CC2D2A: variants seen among roughly 807,000 people sequenced by gnomAD.
CC2D2A encodes the protein coiled-coil and C2 domain-containing protein 2A.
CC2D2A carries 155 observed loss-of-function variants against 212.9 expected under a neutral mutation model. The observed-to-expected ratio is 0.73, with a 90% confidence interval of 0.64 to 0.83. CC2D2A has a LOEUF of 0.83. Ranked by LOEUF, CC2D2A falls within the 40% of genes least tolerant of loss-of-function variation. CC2D2A has a pLI of 0.00. For synonymous variants in CC2D2A, 667 were observed against 686.5 expected (o/e 0.97, Z 0.44); for missense variants, 1,856 against 1,956.2 (o/e 0.95, Z 0.97).
chr4:15,588,513 T>C (rs961956520), intron 32 of CC2D2A, among the ~76,000 whole-genome samples: 1 of 152,314 alleles, frequency 6.6e-6, no homozygotes, highest in Middle Eastern at 3.4e-3. Flanking sequence ...GTGATGCAAA[T>C]AGGTAAGTTT....
chr4:15,499,778 A>G (rs1408990805), intron 4 of CC2D2A, among the ~76,000 whole-genome samples: 1 of 152,064 alleles, frequency 6.6e-6, no homozygotes, highest in Non-Finnish European at 1.5e-5. Flanking sequence ...ACAGGGACAG[A>G]GGCACACTAA....
chr4:15,577,474 C>T (rs1048096202), intron 29 of CC2D2A, among the ~76,000 whole-genome samples: 24 of 152,172 alleles, frequency 1.6e-4, no homozygotes, highest in Non-Finnish European at 3.2e-4. Context: ...CAGTATTTAA[C>T]TTCTCCTTGG....
At chr4:15,473,500 T>C (rs959706055) in intron 1 of CC2D2A, among the ~76,000 whole-genome samples, 3 of 152,298 alleles carry the variant, frequency 2.0e-5, no homozygotes, top group Admixed American at 2.0e-4. Context: ...GCAACAGGAT[T>C]CAAGTGCAAA....
rs71179633 is a variant in CC2D2A, at chr4:15,500,099, G to GTATACATA, written c.248-2329_248-2328insATACATAT. 7.4e-4 allele frequency among the ~76,000 whole-genome samples: 52 copies of GTATACATA among 69,824 alleles called. 3 individuals carry two copies. The highest frequency in any genetic ancestry group is 2.2e-3 in the African/African-American group (50 of 22,452). The allele number at this position is 69,824 out of a possible 152,430, so 45.8% of individuals were successfully genotyped here. Reference sequence around the variant, plus strand: ...ATTGTGTGTGTGTGTGTGTGTGTGTGTGTGTGTGTATATATATATATATAT... The same window carrying GTATACATA: ...ATTGTGTGTGTGTGTGTGTGTGTGTGTATACATATGTGTGTGTATATATATATATATAT... On this transcript the variant is annotated intron_variant, in intron 4 of 36. Transcript: ENST00000424120.
chr4:15,549,746 T>G (rs1191712651), intron 17 of CC2D2A, among the ~76,000 whole-genome samples: 1 of 152,044 alleles, frequency 6.6e-6, no homozygotes, highest in African/African-American at 2.4e-5. Flanking sequence ...GAGGTTGCAG[T>G]GAGCCAAGAT....
At chr4:15,494,640 TG>T (rs1042706538) in intron 4 of CC2D2A, among the ~76,000 whole-genome samples, 1 of 152,228 alleles carries the variant, frequency 6.6e-6, no homozygotes, top group Non-Finnish European at 1.5e-5. Flanking sequence ...AATAAGCTTT[TG>T]GGCCGTTTTC....
chr4:15,567,281 G>C, intron 24 of CC2D2A, 96 bp from the exon 25 acceptor site: 2 of 937,846 alleles, frequency 2.1e-6, no homozygotes, highest in Non-Finnish European at 3.3e-6. Context: ...TTGGGCGACA[G>C]AGTGAGACCC....
At chr4:15,516,906 A>C in intron 11 of CC2D2A, 150 bp downstream of exon 11, 2 of 531,628 alleles carry the variant, frequency 3.8e-6, no homozygotes, top group South Asian at 4.7e-5. Flanking sequence ...CAGGCATATT[A>C]TGTAAGAGTA....
At chr4:15,516,161 G>C (rs1716861715) in intron 10 of CC2D2A, among the ~76,000 whole-genome samples, 157 bp downstream of exon 10, 1 of 151,166 alleles carries the variant, frequency 6.6e-6, no homozygotes, top group African/African-American at 2.4e-5. Context: ...TTCTCTCTCA[G>C]TACATTTATT....
Position 15,510,153 on chromosome 4 carries a change from A to G in CC2D2A, c.453A>G (p.Val151=). 1 of 1,612,856 alleles carries G rather than the reference A, an allele frequency of 6.2e-7. No individual in the cohort carries two copies. Among genetic ancestry groups the G allele is most frequent in the Non-Finnish European group, 8.5e-7 (1 of 1,179,020 alleles). ...CACTCATATAGCCAGGGAAAGAGGT[A>G]GAAAGGACTCAACAAGAAGTTGACT... ...TEFGTEPGKE[V]ERTQQEVDSQ... is the part of the protein sequence containing the mutation. The change falls in exon 7 of 37, where the codon GTA becomes GTG. Residue 151 remains valine, a synonymous_variant. Coordinates refer to ENST00000424120, the MANE Select transcript of CC2D2A (RefSeq NM_001378615.1).
At chr4:15,599,469 A>T in intron 35 of CC2D2A, 60 bp from the exon 36 acceptor site, 1 of 1,147,362 alleles carries the variant, frequency 8.7e-7, no homozygotes, top group Non-Finnish European at 1.2e-6. Flanking sequence ...CATACTACAT[A>T]CATTTTTTAA....
At chr4:15,501,422 GC>G (rs1382877751) in intron 4 of CC2D2A, among the ~76,000 whole-genome samples, 1 of 151,992 alleles carries the variant, frequency 6.6e-6, no homozygotes, top group Non-Finnish European at 1.5e-5. Context: ...AACGCTGCTT[GC>G]ATTCATGTCC....
intron 16 of CC2D2A, among the ~76,000 whole-genome samples, chr4:15,540,288 G>T (rs1038116350): frequency 3.0e-4 from 43 of 142,480 alleles, no homozygotes; most frequent in African/African-American, 9.7e-4. Context: ...ATGGGAGGTT[G>T]TTTTTTTTTT....
chr4:15,587,958 A>T, intron 32 of CC2D2A, 29 bp downstream of exon 32: 2 of 1,256,974 alleles, frequency 1.6e-6, no homozygotes, highest in Non-Finnish European at 2.3e-6. Context: ...CCTTTAACAG[A>T]GGAGTATAGT....
rs142013104 is a variant in CC2D2A at position 15,503,660 on chromosome 4, C to G, written c.438+737C>G. Among the ~76,000 whole-genome samples, 10 of 152,144 alleles carry G rather than the reference C, an allele frequency of 6.6e-5. No individual in the cohort carries two copies. The East Asian group carries it at 1.9e-3, about 29-fold the overall frequency. On this transcript the variant is annotated intron_variant, in intron 6 of 36. Transcript: ENST00000424120. ...GGTCCTTGAATGTCACATTCAGGAGCCTCGGTAGTTTTCTACAAGCCATGG... is the reference window on the plus strand; with the variant it reads ...GGTCCTTGAATGTCACATTCAGGAGGCTCGGTAGTTTTCTACAAGCCATGG...
At chr4:15,563,286 G>C in intron 23 of CC2D2A, 69 bp from the exon 24 acceptor site, 1 of 1,457,766 alleles carries the variant, frequency 6.9e-7, no homozygotes, top group South Asian at 1.4e-5. Context: ...GCAGAGTTCG[G>C]GAAGTCGTCT....
intron 11 of CC2D2A, among the ~76,000 whole-genome samples, chr4:15,523,751 T>A (rs746842734): frequency 5.9e-5 from 9 of 152,232 alleles, no homozygotes; most frequent in Non-Finnish European, 1.0e-4. Flanking sequence ...TGATTCTTCT[T>A]GAATACTGGT....
At chr4:15,582,799 T>C (rs188876037) in intron 30 of CC2D2A, among the ~76,000 whole-genome samples, 78 of 152,202 alleles carry the variant, frequency 5.1e-4, no homozygotes, top group African/African-American at 1.8e-3. Context: ...GCTCAAACTA[T>C]TCCAAAAAAA....
rs764403458 is a variant in CC2D2A, at chr4:15,514,885, A to C, written c.880+16A>C. On this transcript the variant is annotated intron_variant, in intron 9 of 36. Coordinates refer to ENST00000424120, the MANE Select transcript of CC2D2A (RefSeq NM_001378615.1). ...AGGCAGACAGGTACTTGCTCTTTTTATTTTCTTGTTCAGCTTAGACATCGT... is the reference window on the plus strand; with the variant it reads ...AGGCAGACAGGTACTTGCTCTTTTTCTTTTCTTGTTCAGCTTAGACATCGT... The C allele has an allele frequency of 6.2e-7, 1 of 1,611,552 alleles. No homozygotes were observed. Among genetic ancestry groups the C allele is most frequent in the South Asian group, 1.1e-5 (1 of 90,834 alleles).
Sources: allele counts gnomAD v4.1 joint callset (sites outside exome capture counted in the v4.1 genomes callset), GRCh38; gene constraint gnomAD v4.1.1; transcripts MANE v1.5; gene names NCBI Gene and HGNC (gene_info 2026-07-23, HGNC 2026-07-21).